Variants in PDCD11 observed in about 807,000 individuals in gnomAD.
PDCD11 encodes the protein protein RRP5 homolog.
Under a neutral mutation model 198.9 loss-of-function variants are expected in PDCD11, and 97 were observed. That is an observed-to-expected ratio of 0.49 (90% CI 0.41 to 0.58). The LOEUF (loss-of-function observed/expected upper bound fraction) is 0.58, where lower values mean the gene tolerates loss of function less well. Among genes scored for constraint, PDCD11 ranks in the 20% least tolerant of loss-of-function variants. The probability of loss-of-function intolerance (pLI) is 0.00; values close to 1 mark genes in which losing one functional copy is unlikely to be tolerated. For synonymous variants in PDCD11, 893 were observed against 918.0 expected (o/e 0.97, Z 0.49); for missense variants, 2,102 against 2,312.7 (o/e 0.91, Z 1.87).
intron 31 of PDCD11, 37 bp downstream of exon 31, chr10:103,442,012 A>G (rs927023820): frequency 6.2e-7 from 1 of 1,609,880 alleles, no homozygotes; most frequent in African/African-American, 1.3e-5. Flanking sequence ...TTTTGCAGGG[A>G]CCCCTTGGTG....
At chr10:103,444,191 T>C in intron 34 of PDCD11, 123 bp downstream of exon 34, 4 of 787,702 alleles carry the variant, frequency 5.1e-6, no homozygotes. Flanking sequence ...TTGCTGCCTG[T>C]TGATTCTCTG....
chr10:103,423,423 C>A, intron 18 of PDCD11, 120 bp from the exon 19 acceptor site: 1 of 769,664 alleles, frequency 1.3e-6, no homozygotes, highest in Non-Finnish European at 2.2e-6. Flanking sequence ...CCCGTATGGA[C>A]CCAGGACATG....
In PDCD11 at chr10:103,443,292, C is replaced by A. The variant is rs768158612; in HGVS notation, c.5083C>A (p.Leu1695Ile). Residue 1695 changes from leucine (L) to isoleucine (I), a missense_variant, in exon 33 of 36, where the codon CTC becomes ATC. Leu to Ile is a conservative substitution (Grantham distance 5, BLOSUM62 2). Transcript: ENST00000369797. Reference protein sequence around the residue: ...VQYNEPLKVFLHLADIYAKSE... With the variant: ...VQYNEPLKVFIHLADIYAKSE... ...GTACAACGAGCCTCTCAAAGTCTTTCTCCACCTGGCTGACATCTACGCCAA... is the reference window on the plus strand; with the variant it reads ...GTACAACGAGCCTCTCAAAGTCTTTATCCACCTGGCTGACATCTACGCCAA... 8 of 1,612,216 alleles carry A rather than the reference C, an allele frequency of 5.0e-6. No homozygotes were observed. Among genetic ancestry groups the A allele is most frequent in the Non-Finnish European group, 6.8e-6 (8 of 1,178,472 alleles).
At position 103,442,370 on chromosome 10, in the gene PDCD11, G is replaced by T; in HGVS notation, c.4865G>T (p.Trp1622Leu). 3 of 1,614,210 alleles carry T rather than the reference G, an allele frequency of 1.9e-6. No homozygotes were observed. In the Admixed American group the frequency reaches 5.0e-5, roughly 27 times the overall value. The change falls in exon 32 of 36, where the codon TGG (tryptophan) becomes TTG (leucine). Residue 1622 changes from tryptophan to leucine, a missense_variant. Physicochemically the swap from Trp to Leu is moderately conservative, Grantham distance 61 (BLOSUM62 -2). Transcript: ENST00000369797. ...VLSSPNSSIL[W>L]LQYMAFHLQA... ...AGCTCCCCCAACAGCTCCATTCTGTGGCTGCAGTACATGGCTTTCCACCTG... is the reference window on the plus strand; with the variant it reads ...AGCTCCCCCAACAGCTCCATTCTGTTGCTGCAGTACATGGCTTTCCACCTG...
chr10:103,428,406 C>T (rs1401344304), intron 21 of PDCD11, among the ~76,000 whole-genome samples: 1 of 151,596 alleles, frequency 6.6e-6, no homozygotes, highest in Non-Finnish European at 1.5e-5. Flanking sequence ...ACTAAAATTT[C>T]AGAATAATAA....
At chr10:103,419,102 T>C (rs1272865479) in intron 15 of PDCD11, among the ~76,000 whole-genome samples, 2 of 152,040 alleles carry the variant, frequency 1.3e-5, no homozygotes, top group Non-Finnish European at 2.9e-5. Flanking sequence ...TTCATTCTCC[T>C]GGGAGTAAAA....
intron 34 of PDCD11, 58 bp from the exon 35 acceptor site, chr10:103,444,459 G>A: frequency 6.6e-7 from 1 of 1,519,778 alleles, no homozygotes; most frequent in South Asian, 1.1e-5. Context: ...GCGGAACACT[G>A]TGTTGTGGTG....
intron 4 of PDCD11, 77 bp downstream of exon 4, chr10:103,403,362 G>A (rs2030234841): frequency 1.5e-6 from 2 of 1,375,472 alleles, no homozygotes; most frequent in Admixed American, 2.0e-5. Context: ...ACTTTGCCAG[G>A]TGCTAAGAAG....
At chr10:103,424,739 T>C (rs932758995) in intron 19 of PDCD11, among the ~76,000 whole-genome samples, 1 of 152,162 alleles carries the variant, frequency 6.6e-6, no homozygotes, top group Admixed American at 6.5e-5. Flanking sequence ...TCTTGCAATT[T>C]AAATTCAAAG....
At chr10:103,424,893 G>T in intron 19 of PDCD11, 91 bp from the exon 20 acceptor site, 1 of 1,462,544 alleles carries the variant, frequency 6.8e-7, no homozygotes, top group Non-Finnish European at 9.3e-7. Flanking sequence ...ACCCCAGAGG[G>T]TTTCCTCAGC....
chr10:103,417,778 T>A lies in PDCD11; in HGVS notation c.1771-14T>A, dbSNP rs372779553. On this transcript the variant is annotated splice_polypyrimidine_tract_variant and intron_variant, in intron 13 of 35. Coordinates refer to ENST00000369797, the MANE Select transcript of PDCD11 (RefSeq NM_014976.2). ...CTGGGAGGAGTTGGCCAAGCCTGTG[T>A]GGTTTCTTGCCAGGTGGTGAAGGTT... 8.7e-6 allele frequency: 14 copies of A among 1,612,558 alleles called. No individual in the cohort carries two copies. The highest frequency in any genetic ancestry group is 9.3e-6 in the Non-Finnish European group (11 of 1,179,586).
chr10:103,436,684 G>C (rs1467118985), intron 25 of PDCD11, among the ~76,000 whole-genome samples: 1 of 152,190 alleles, frequency 6.6e-6, no homozygotes, highest in African/African-American at 2.4e-5. Flanking sequence ...TAGATAATGA[G>C]GTTGTGGTTT....
intron 3 of PDCD11, among the ~76,000 whole-genome samples, chr10:103,401,365 C>T (rs976877814): frequency 3.9e-5 from 6 of 152,030 alleles, no homozygotes; most frequent in South Asian, 2.1e-4. Flanking sequence ...CTCTGCCTCC[C>T]GGGTTCAAGC....
In PDCD11 at chr10:103,413,297, A is replaced by C. The variant is rs760138966; in HGVS notation, c.1160A>C (p.Lys387Thr). The C allele has an allele frequency of 1.7e-5, 28 of 1,614,070 alleles. No individual in the cohort carries two copies. In the African/African-American group the frequency reaches 2.7e-4, roughly 15 times the overall value. The change falls in exon 9 of 36, where the codon AAG becomes ACG. Residue 387 changes from lysine to threonine, a missense_variant. By Grantham distance (78) the Lys-to-Thr change is moderately conservative (BLOSUM62 -1). Transcript: ENST00000369797. Reference sequence around the variant, plus strand: ...AAGGCTGGGGCCACCTTTAGGCTGAAGGATGGGGTTCTGGCCTATGCCCGG... The same window carrying C: ...AAGGCTGGGGCCACCTTTAGGCTGACGGATGGGGTTCTGGCCTATGCCCGG... ...FKKAGATFRL[K>T]DGVLAYARLS...
rs1036759976 is a variant in PDCD11, at chr10:103,419,738, G to A, written c.2277+30G>A. ...GTTCAACTCCATGTACAAGGGCTTT[G>A]AGGAGAGATACAAGGTCACAGAACC... On this transcript the variant is annotated intron_variant, in intron 16 of 35. Coordinates refer to ENST00000369797, the MANE Select transcript of PDCD11 (RefSeq NM_014976.2). 8.7e-6 allele frequency: 14 copies of A among 1,606,478 alleles called. No homozygotes were observed. In the African/African-American group the frequency reaches 1.6e-4, roughly 18 times the overall value.
In PDCD11 at chr10:103,442,040, G is replaced by A; in HGVS notation, c.4707+65G>A. The A allele has an allele frequency of 4.4e-6, 7 of 1,592,526 alleles. No homozygotes were observed. In the South Asian group the frequency reaches 7.8e-5, roughly 18 times the overall value. ...CCTTGGTGTCAGTCTCTTGTGCTCTGTTCCTAGACTGGGTGTCTTCCTGGG... is the reference window on the plus strand; with the variant it reads ...CCTTGGTGTCAGTCTCTTGTGCTCTATTCCTAGACTGGGTGTCTTCCTGGG... On this transcript the variant is annotated intron_variant, in intron 31 of 35. Transcript: ENST00000369797.
intron 25 of PDCD11, among the ~76,000 whole-genome samples, chr10:103,435,471 T>C (rs920791227): frequency 6.6e-6 from 1 of 152,038 alleles, no homozygotes; most frequent in Non-Finnish European, 1.5e-5. Flanking sequence ...CTGGCTGGAG[T>C]GCAGTGGCGT....
Position 103,396,647 on chromosome 10 carries a change from T to A in PDCD11, c.-95T>A, listed in dbSNP as rs2093437436. ...GCCCACACTTCCGGAAGAATTGCAC[T>A]GGACTGTGGGTATCCTGGTCTCCGC... On this transcript the variant is annotated 5_prime_UTR_variant, in exon 1 of 36. Coordinates refer to ENST00000369797, the MANE Select transcript of PDCD11 (RefSeq NM_014976.2). The A allele has an allele frequency of 6.6e-6, 1 of 152,324 alleles. No homozygotes were observed. Among genetic ancestry groups the A allele is most frequent in the South Asian group, 2.1e-4 (1 of 4,832 alleles). 9.4% of individuals were successfully genotyped at this position (152,324 alleles called of 1,614,324 possible).
At chr10:103,397,794 T>G (rs1226529526) in intron 1 of PDCD11, among the ~76,000 whole-genome samples, 1 of 152,224 alleles carries the variant, frequency 6.6e-6, no homozygotes, top group Non-Finnish European at 1.5e-5. Flanking sequence ...GTTGAATAAT[T>G]CCTCAGAGAC....
Sources: allele counts gnomAD v4.1 joint callset (sites outside exome capture counted in the v4.1 genomes callset), GRCh38; gene constraint gnomAD v4.1.1; transcripts MANE v1.5; gene names NCBI Gene and HGNC (gene_info 2026-07-23, HGNC 2026-07-21).